RDH13: variants seen among roughly 807,000 people sequenced by gnomAD.
The protein encoded by RDH13 is retinol dehydrogenase 13, also known as retinol dehydrogenase 13 (all-trans and 9-cis).
In RDH13, 35 loss-of-function variants were observed where a neutral mutation model predicts 28.3. That is an observed-to-expected ratio of 1.24 (90% CI 0.95 to 1.64). RDH13 has a LOEUF of 1.64. Ranked by LOEUF, RDH13 falls within the 40% of genes most tolerant of loss-of-function variation. The probability of loss-of-function intolerance (pLI) is 0.00; values close to 1 mark genes in which losing one functional copy is unlikely to be tolerated. For missense variants in RDH13, 514 were observed against 446.3 expected (o/e 1.15, Z -1.37); for synonymous variants, 229 against 198.5 (o/e 1.15, Z -1.29).
chr19:55,059,375 A>G, intron 1 of RDH13, 100 bp from the exon 2 acceptor site: 2 of 710,058 alleles, frequency 2.8e-6, no homozygotes, highest in Non-Finnish European at 2.4e-6. Flanking sequence ...GCTCACTCAC[A>G]TACCCCAACT....
intron 3 of RDH13, 129 bp downstream of exon 3, chr19:55,056,524 G>T: frequency 3.5e-6 from 4 of 1,147,866 alleles, no homozygotes; most frequent in Non-Finnish European, 4.8e-6. Flanking sequence ...GCAGCAACTG[G>T]ACTTGGCCCC....
chr19:55,045,427 T>C (rs2075189623), intron 6 of RDH13, 118 bp from the exon 7 acceptor site: 2 of 710,960 alleles, frequency 2.8e-6, no homozygotes, highest in Middle Eastern at 3.9e-4. Context: ...CCTCTAGCCC[T>C]TTCCCCTTGG....
intron 1 of RDH13, among the ~76,000 whole-genome samples, chr19:55,061,676 C>T (rs1022573222): frequency 2.0e-5 from 3 of 151,792 alleles, no homozygotes; most frequent in African/African-American, 7.3e-5. Context: ...CCTGTAGAGT[C>T]AGCTACTCGG....
Position 55,063,067 on chromosome 19 carries a change from C to CA in RDH13, c.-36_-35insT, listed in dbSNP as rs199552804. 2.3e-6 allele frequency: 3 copies of CA among 1,327,484 alleles called. No homozygotes were observed. The highest frequency in any genetic ancestry group is 2.9e-6 in the Non-Finnish European group (3 of 1,036,310). The allele number at this position is 1,327,484 out of a possible 1,614,324, so 82.2% of individuals were successfully genotyped here. On this transcript the variant is annotated 5_prime_UTR_variant, in exon 1 of 7. Coordinates refer to ENST00000415061, the MANE Select transcript of RDH13 (RefSeq NM_001145971.2). Reference sequence around the variant, plus strand: ...GGGACAGGCGTCAGGCGTCAGGGGTCGGCGCGGAGCTTGCTGCACACCAGC... The same window carrying CA: ...GGGACAGGCGTCAGGCGTCAGGGGTCAGGCGCGGAGCTTGCTGCACACCAGC...
intron 1 of RDH13, among the ~76,000 whole-genome samples, chr19:55,061,189 T>G (rs1654453): frequency 0.76 from 114,973 of 152,046 alleles, 43,606 homozygotes; most frequent in East Asian, 0.94. Context: ...GTGCAGTGGC[T>G]CAATCTCAGC....
chr19:55,048,870 G>T, intron 3 of RDH13, 107 bp from the exon 4 acceptor site: 5 of 997,720 alleles, frequency 5.0e-6, no homozygotes, highest in Non-Finnish European at 7.7e-6. Context: ...TGTGGCCTGT[G>T]CCGGAAACAG....
intron 2 of RDH13, among the ~76,000 whole-genome samples, chr19:55,058,134 G>A (rs1039693608): frequency 1.3e-4 from 19 of 151,878 alleles, no homozygotes; most frequent in Non-Finnish European, 2.6e-4. Context: ...TGGCTGGGCC[G>A]GGCATGGTGG....
downstream of RDH13, chr19:55,042,686 T>A (rs546643098): frequency 2.6e-5 from 4 of 152,280 alleles, no homozygotes; most frequent in Admixed American, 6.5e-5. Flanking sequence ...CCCCTCCTGG[T>A]ATTTACACCC....
intron 3 of RDH13, among the ~76,000 whole-genome samples, chr19:55,054,335 C>CCTGT (rs774531807): frequency 9.9e-5 from 15 of 152,232 alleles, no homozygotes; most frequent in Non-Finnish European, 1.9e-4. Context: ...GTGGCTCATG[C>CCTGT]CTGTAATCCC....
intron 1 of RDH13, among the ~76,000 whole-genome samples, chr19:55,059,966 G>C (rs1430886558): frequency 6.6e-6 from 1 of 152,186 alleles, no homozygotes; most frequent in East Asian, 1.9e-4. Context: ...CCAGTCTCTA[G>C]TCTCAATAAA....
chr19:55,048,796 G>T, intron 3 of RDH13, 33 bp from the exon 4 acceptor site: 1 of 1,560,790 alleles, frequency 6.4e-7, no homozygotes, highest in Non-Finnish European at 8.8e-7. Context: ...GAGACATCCC[G>T]GTGAGGACAG....
Position 55,059,315 on chromosome 19 carries a change from C to T in RDH13, c.66-40G>A, listed in dbSNP as rs774342222. 6 of 1,370,056 alleles carry T rather than the reference C, an allele frequency of 4.4e-6. No homozygotes were observed. The South Asian group carries it at 6.2e-5, about 14-fold the overall frequency. The allele number at this position is 1,370,056 out of a possible 1,614,324, so 84.9% of individuals were successfully genotyped here. On this transcript the variant is annotated intron_variant, in intron 1 of 6. Transcript: ENST00000415061. Reference sequence around the variant, plus strand: ...CGGCACGGTCAGTCCTGTGGGCCCACTCTCACCCCACGTGCCCCTGACTGA... The same window carrying T: ...CGGCACGGTCAGTCCTGTGGGCCCATTCTCACCCCACGTGCCCCTGACTGA...
chr19:55,053,793 G>A (rs1025781797), intron 3 of RDH13: 3 of 152,184 alleles, frequency 2.0e-5, no homozygotes, highest in African/African-American at 4.8e-5. Flanking sequence ...CTGTCTCAGG[G>A]ACCTCAGTGC....
chr19:55,054,561 G>A (rs76119016), intron 3 of RDH13, among the ~76,000 whole-genome samples: 24,270 of 152,010 alleles, frequency 0.16, 2,352 homozygotes, highest in African/African-American at 0.27. Flanking sequence ...ACTCCAGCCT[G>A]GGTGACAGAG....
downstream of RDH13, chr19:55,041,323 G>A (rs554130354): frequency 3.9e-5 from 6 of 152,220 alleles, no homozygotes; most frequent in Non-Finnish European, 8.8e-5. Flanking sequence ...AAATGCAACA[G>A]TGAAGTCAAT....
intron 1 of RDH13, among the ~76,000 whole-genome samples, chr19:55,060,845 T>G (rs1949487960): frequency 6.6e-6 from 1 of 152,112 alleles, no homozygotes; most frequent in African/African-American, 2.4e-5. Context: ...AATTTAAATT[T>G]AAAATGCCCG....
At position 55,045,208 on chromosome 19, in the gene RDH13, A is replaced by T; in HGVS notation, c.862T>A (p.Phe288Ile). ...EELADVSGKY[F>I]DGLKQKAPAP... is the part of the protein sequence containing the mutation. ...GGGGCCTTCTGTTTGAGTCCATCGA[A>T]GTACTTTCCGGAAACATCCGCCAGT... Residue 288 changes from phenylalanine to isoleucine, a missense_variant, in exon 7 of 7, where the codon TTC (phenylalanine) becomes ATC (isoleucine). Transcript: ENST00000415061. 1 of 1,613,522 alleles carries T rather than the reference A, an allele frequency of 6.2e-7. No homozygotes were observed. Among genetic ancestry groups the T allele is most frequent in the South Asian group, 1.1e-5 (1 of 91,080 alleles).
intron 1 of RDH13, among the ~76,000 whole-genome samples, chr19:55,061,900 C>T (rs566864901): frequency 3.9e-5 from 6 of 152,200 alleles, no homozygotes; most frequent in Admixed American, 6.5e-5. Flanking sequence ...GCCAGATCCC[C>T]TTTGGTCGGG....
chr19:55,041,107 CAA>C (rs1274769911), downstream of RDH13: 2 of 152,228 alleles, frequency 1.3e-5, no homozygotes, highest in Non-Finnish European at 2.9e-5. Flanking sequence ...GCCTGGGCAA[CAA>C]GAGTGAAACT....
Sources: allele counts gnomAD v4.1 joint callset (sites outside exome capture counted in the v4.1 genomes callset), GRCh38; gene constraint gnomAD v4.1.1; transcripts MANE v1.5; gene names NCBI Gene and HGNC (gene_info 2026-07-23, HGNC 2026-07-21).